Variants in MATN4 observed in about 807,000 individuals in gnomAD.
The protein encoded by MATN4 is matrilin 4, also known as matrilin-4.
In MATN4, 40 loss-of-function variants were observed where a neutral mutation model predicts 54.6. That is an observed-to-expected ratio of 0.73 (90% CI 0.57 to 0.95). MATN4 has a LOEUF of 0.95. Ranked by LOEUF, MATN4 falls within the 40% of genes least tolerant of loss-of-function variation. The pLI, the probability that MATN4 is intolerant of heterozygous loss-of-function variation, is 0.00. For missense variants in MATN4, 810 were observed against 819.1 expected, an observed-to-expected ratio of 0.99 and a Z score of 0.13; for synonymous variants, 351 against 345.3, an observed-to-expected ratio of 1.02 and a Z score of -0.18.
intron 8 of MATN4, 103 bp downstream of exon 8, chr20:45,297,809 GCCCAAC>G: frequency 7.1e-7 from 1 of 1,401,648 alleles, no homozygotes; most frequent in Non-Finnish European, 9.9e-7. Flanking sequence ...TGTCTAGTGA[GCCCAAC>G]CTCTGGCTAT....
intron 3 of MATN4, among the ~76,000 whole-genome samples, chr20:45,303,957 C>G (rs945786392): frequency 5.9e-5 from 9 of 152,158 alleles, no homozygotes; most frequent in African/African-American, 2.2e-4. Context: ...ATCACTGGTT[C>G]CGTGTGTGCA....
chr20:45,300,136 C>T (rs1986133789), intron 6 of MATN4, among the ~76,000 whole-genome samples: 2 of 152,246 alleles, frequency 1.3e-5, no homozygotes, highest in South Asian at 2.1e-4. Context: ...GTCTAGTCTA[C>T]AGTACTTTGA....
chr20:45,305,717 C>T (rs1986575603), intron 1 of MATN4, 101 bp from the exon 2 acceptor site: 2 of 481,468 alleles, frequency 4.2e-6, no homozygotes, highest in South Asian at 2.9e-5. Flanking sequence ...GTTTATTTTA[C>T]TAATCTCTCT....
rs1192326801 is a variant in MATN4 at position 45,304,133 on chromosome 20, G to A, written c.643+95C>T. ...GGCAACTCTACCTGGAAATCGCGGGGCCACCCCCACGGGATGGGATTTACT... is the reference window on the plus strand; with the variant it reads ...GGCAACTCTACCTGGAAATCGCGGGACCACCCCCACGGGATGGGATTTACT... On this transcript the variant is annotated intron_variant, in intron 3 of 9. Coordinates refer to ENST00000372756, the MANE Select transcript of MATN4 (RefSeq NM_001393530.1). The A allele has an allele frequency of 2.6e-6, 3 of 1,146,662 alleles. No homozygotes were observed. In the African/African-American group the frequency reaches 4.8e-5, roughly 19 times the overall value. 71.0% of individuals were successfully genotyped at this position (1,146,662 alleles called of 1,614,324 possible).
At chr20:45,308,342 G>A (rs1030693167), upstream of MATN4, 15 of 825,618 alleles carry the variant, frequency 1.8e-5, 1 homozygote, top group Middle Eastern at 5.8e-4. Context: ...CAGGGCTGGC[G>A]GGTGGGGAGG....
chr20:45,303,668 G>T (rs1986384507), intron 3 of MATN4, among the ~76,000 whole-genome samples: 2 of 152,342 alleles, frequency 1.3e-5, no homozygotes. Flanking sequence ...AAGTGAGAGG[G>T]CTTAGGGAAA....
chr20:45,294,735 T>G (rs1206819534), intron 8 of MATN4, among the ~76,000 whole-genome samples: 1 of 152,130 alleles, frequency 6.6e-6, no homozygotes, highest in African/African-American at 2.4e-5. Context: ...ACCAGCACAT[T>G]ACATGGACCA....
Position 45,293,744 on chromosome 20 carries a change from C to T in MATN4, c.*23G>A, listed in dbSNP as rs2233108. 8.7e-3 allele frequency: 13,756 copies of T among 1,589,654 alleles called. 186 individuals are homozygous for T. Among genetic ancestry groups the T allele is most frequent in the African/African-American group, 0.06 (4,485 of 74,342 alleles). ...CCGTCCGTGGTGCCGCGCCCCAGCC[C>T]GGGTCTGGGCCGTCCGTGGCCCTCA... On this transcript the variant is annotated 3_prime_UTR_variant, in exon 10 of 10. Transcript: ENST00000372756.
At chr20:45,303,523 C>T (rs2085667176) in intron 3 of MATN4, 6 of 707,366 alleles carry the variant, frequency 8.5e-6, no homozygotes, top group Non-Finnish European at 1.3e-5. Context: ...TGAGGACACA[C>T]AGGACTAGAA....
chr20:45,301,747 G>A (rs1342743834), intron 3 of MATN4, among the ~76,000 whole-genome samples: 1 of 152,050 alleles, frequency 6.6e-6, no homozygotes, highest in Non-Finnish European at 1.5e-5. Context: ...TGAGCATCTT[G>A]ATGATCTGGA....
At chr20:45,302,023 C>T (rs936839609) in intron 3 of MATN4, among the ~76,000 whole-genome samples, 4 of 151,928 alleles carry the variant, frequency 2.6e-5, no homozygotes, top group African/African-American at 7.3e-5. Flanking sequence ...TGTGTGCACG[C>T]GCTATGAGTT....
chr20:45,295,693 T>C (rs1985769800), intron 8 of MATN4, among the ~76,000 whole-genome samples: 4 of 152,164 alleles, frequency 2.6e-5, no homozygotes, highest in Admixed American at 2.0e-4. Flanking sequence ...AGCTGCAATT[T>C]GTGTTTTTAA....
chr20:45,308,247 A>G lies in MATN4; in HGVS notation c.-107T>C. Reference sequence around the variant, plus strand: ...CAGGCGGAGCCTCCCGGGCACTTGGACCAGGTAACGGCGGCGTGGCAGCGT... The same window carrying G: ...CAGGCGGAGCCTCCCGGGCACTTGGGCCAGGTAACGGCGGCGTGGCAGCGT... On this transcript the variant is annotated 5_prime_UTR_variant, in exon 1 of 10. Transcript: ENST00000372756. 1 of 1,609,712 alleles carries G rather than the reference A, an allele frequency of 6.2e-7. No homozygotes were observed. The highest frequency in any genetic ancestry group is 1.7e-4 in the Middle Eastern group (1 of 6,044).
chr20:45,298,736 A>G lies in MATN4; in HGVS notation c.1013-153T>C, dbSNP rs1986035022. Among the ~76,000 whole-genome samples, 1 of 152,160 alleles carries G rather than the reference A, an allele frequency of 6.6e-6. No homozygotes were observed. The highest frequency in any genetic ancestry group is 2.4e-5 in the African/African-American group (1 of 41,426). ...CCAGGCAGTGTGCTAAGTAATAATA[A>G]TTATCACCATCATCATCACCATCAC... On this transcript the variant is annotated intron_variant, in intron 6 of 9. Transcript: ENST00000372756. The surrounding 1 kb of genome is among the most constrained non-coding windows in gnomAD (Gnocchi z 4.6).
At chr20:45,302,808 C>T (rs926453776) in intron 3 of MATN4, among the ~76,000 whole-genome samples, 10 of 148,064 alleles carry the variant, frequency 6.8e-5, no homozygotes, top group African/African-American at 1.3e-4. Context: ...AATGGCCGGG[C>T]GCAGTGGCTC....
Position 45,298,329 on chromosome 20 carries a change from T to C in MATN4, c.1267A>G (p.Met423Val). 6.2e-7 allele frequency: 1 copy of C among 1,613,588 alleles called. No individual in the cohort carries two copies. Among genetic ancestry groups the C allele is most frequent in the Non-Finnish European group, 8.5e-7 (1 of 1,179,890 alleles). Reference sequence around the variant, plus strand: ...ATGTGCCGCAACGCCAGCCCTGTCATGGTGCCGCGTTCCATGTACTCCACG... The same window carrying C: ...ATGTGCCGCAACGCCAGCCCTGTCACGGTGCCGCGTTCCATGTACTCCACG... ...LAVEYMERGT[M>V]TGLALRHMVE... Residue 423 changes from methionine (M) to valine (V), a missense_variant, in exon 7 of 10, where the codon ATG becomes GTG. By Grantham distance (21) the Met-to-Val change is conservative. Coordinates refer to ENST00000372756, the MANE Select transcript of MATN4 (RefSeq NM_001393530.1). The surrounding 1 kb of genome is among the most constrained non-coding windows in gnomAD (Gnocchi z 4.6).
chr20:45,298,383 C>A lies in MATN4; in HGVS notation c.1213G>T (p.Ala405Ser), dbSNP rs1568872803. Reference sequence around the variant, plus strand: ...AGGACCGCCTGCTTCACCTCGGCTGCGGTGCCGTAGCGACCCAGAGGGAAC... The same window carrying A: ...AGGACCGCCTGCTTCACCTCGGCTGAGGTGCCGTAGCGACCCAGAGGGAAC... ...TEFPLGRYGT[A>S]AEVKQAVLAV... The change falls in exon 7 of 10, where the codon GCA (alanine) becomes TCA (serine). Residue 405 changes from alanine to serine, a missense_variant. Physicochemically the swap from Ala to Ser is moderately conservative, Grantham distance 99 (BLOSUM62 1). Transcript: ENST00000372756. This position sits in a 1 kb window ranked among gnomAD's most constrained non-coding sequence, Gnocchi z 4.6. 6.2e-7 allele frequency: 1 copy of A among 1,612,090 alleles called. No individual in the cohort carries two copies. The highest frequency in any genetic ancestry group is 1.1e-5 in the South Asian group (1 of 90,906).
Position 45,301,224 on chromosome 20 carries a change from G to C in MATN4, c.767C>G (p.Ala256Gly). 1 of 1,613,916 alleles carries C rather than the reference G, an allele frequency of 6.2e-7. No individual in the cohort carries two copies. The highest frequency in any genetic ancestry group is 1.3e-5 in the African/African-American group (1 of 75,044). The part of the protein sequence containing the change: ...VLQQDQRSCR[A>G]IDYCSFGNHS... ...GTTCCCAAAGCTGCAGTAGTCAATG[G>C]CTGGCAGGAGGGAAGAAACAGCAAG... Residue 256 changes from alanine to glycine, a missense_variant and splice_region_variant, in exon 5 of 10, where the codon GCC (alanine) becomes GGC (glycine). Physicochemically the swap from Ala to Gly is moderately conservative, Grantham distance 60. Coordinates refer to ENST00000372756, the MANE Select transcript of MATN4 (RefSeq NM_001393530.1).
intron 8 of MATN4, among the ~76,000 whole-genome samples, chr20:45,296,761 G>A (rs1411912280): frequency 6.6e-6 from 1 of 152,040 alleles, no homozygotes; most frequent in Admixed American, 6.6e-5. Context: ...AGAGTTGGGG[G>A]AAGGACTGTA....
Sources: gnomAD v4.1 joint callset for allele counts (sites outside exome capture counted in the v4.1 genomes callset) on GRCh38, gnomAD v4.1.1 for gene constraint, Gnocchi (gnomAD v3.1) non-coding constraint, MANE v1.5 for transcripts, NCBI Gene and HGNC (gene_info 2026-07-23, HGNC 2026-07-21) for gene names.